Variants in EPAS1 observed in about 807,000 individuals in gnomAD.
EPAS1 encodes endothelial PAS domain-containing protein 1.
In EPAS1, 23 loss-of-function variants were observed where a neutral mutation model predicts 87.9. The observed-to-expected ratio is 0.26, with a 90% CI of 0.19 to 0.37. The LOEUF is 0.37. Among genes scored for constraint, EPAS1 ranks in the 10% least tolerant of loss-of-function variants. The pLI is 1.00. For synonymous variants in EPAS1, 508 were observed against 444.3 expected, an observed-to-expected ratio of 1.14 and a Z score of -1.80; for missense variants, 1,138 against 1,120.7, an observed-to-expected ratio of 1.02 and a Z score of -0.22.
Position 46,297,704 on chromosome 2 carries a change from T to A in EPAS1, c.-208T>A. Reference sequence around the variant, plus strand: ...GACCCCGCCTCCGCGCGCAGGTTCCTCCCAGTCACCTTTCTCCACCCCCGC... The same window carrying A: ...GACCCCGCCTCCGCGCGCAGGTTCCACCCAGTCACCTTTCTCCACCCCCGC... On this transcript the variant is annotated 5_prime_UTR_variant, in exon 1 of 16. Coordinates refer to ENST00000263734, the MANE Select transcript of EPAS1 (RefSeq NM_001430.5). 1.7e-6 allele frequency: 1 copy of A among 593,880 alleles called. No homozygotes were observed. The highest frequency in any genetic ancestry group is 2.9e-6 in the Non-Finnish European group (1 of 340,954). The allele number at this position is 593,880 out of a possible 1,614,324, so 36.8% of individuals were successfully genotyped here.
At chr2:46,349,295 C>T (rs1321077314) in intron 2 of EPAS1, among the ~76,000 whole-genome samples, 2 of 152,180 alleles carry the variant, frequency 1.3e-5, no homozygotes, top group Non-Finnish European at 2.9e-5. Context: ...CCTGGCTGTC[C>T]ATCTCAGTGG....
chr2:46,328,501 A>G (rs1683609516), intron 1 of EPAS1, among the ~76,000 whole-genome samples: 3 of 152,330 alleles, frequency 2.0e-5, no homozygotes, highest in Admixed American at 2.0e-4. Context: ...CATCCCCCAA[A>G]CAGTCAGTGA....
At chr2:46,361,508 T>C (rs767731791) in intron 6 of EPAS1, among the ~76,000 whole-genome samples, 1 of 152,186 alleles carries the variant, frequency 6.6e-6, no homozygotes, top group Non-Finnish European at 1.5e-5. Flanking sequence ...CCCTCTTCCA[T>C]TACTGACTGA....
chr2:46,308,258 T>C (rs182461621), intron 1 of EPAS1, among the ~76,000 whole-genome samples: 1 of 152,286 alleles, frequency 6.6e-6, no homozygotes, highest in South Asian at 2.1e-4. Flanking sequence ...ACAAAATCAC[T>C]AAGGGAGCGT....
At chr2:46,356,629 C>A in intron 3 of EPAS1, 95 bp from the exon 4 acceptor site, 1 of 990,778 alleles carries the variant, frequency 1.0e-6, no homozygotes, top group East Asian at 2.4e-5. Context: ...TCAGTCTCCT[C>A]CCTGCCTCCA....
At chr2:46,334,472 C>G (rs1003498844) in intron 1 of EPAS1, among the ~76,000 whole-genome samples, 3 of 152,108 alleles carry the variant, frequency 2.0e-5, no homozygotes, top group African/African-American at 7.2e-5. Flanking sequence ...TCCTGATTGC[C>G]TCCCTGTATC....
intron 1 of EPAS1, among the ~76,000 whole-genome samples, chr2:46,318,199 A>ACACACAC (rs1683382226): frequency 3.3e-5 from 2 of 59,788 alleles, no homozygotes; most frequent in South Asian, 1.2e-3. Context: ...CACACACACA[A>ACACACAC]ACACACACAC....
chr2:46,356,085 C>G, intron 2 of EPAS1, 66 bp from the exon 3 acceptor site: 2 of 1,526,924 alleles, frequency 1.3e-6, no homozygotes, highest in Non-Finnish European at 1.8e-6. Flanking sequence ...AAATGCCTAT[C>G]TGTGCCAGTC....
chr2:46,315,170 A>G (rs986097836), intron 1 of EPAS1, among the ~76,000 whole-genome samples: 3 of 152,192 alleles, frequency 2.0e-5, no homozygotes, highest in African/African-American at 7.2e-5. Context: ...ACATGAACGT[A>G]TCTGAAGTTT....
chr2:46,317,699 T>A (rs1376576076), intron 1 of EPAS1, among the ~76,000 whole-genome samples: 1 of 152,242 alleles, frequency 6.6e-6, no homozygotes, highest in Non-Finnish European at 1.5e-5. Flanking sequence ...AAGTCCTAGA[T>A]GGCATGTTCA....
In EPAS1 at chr2:46,310,642, G is replaced by A. The variant is rs1454524690; in HGVS notation, c.26+12705G>A. Among the ~76,000 whole-genome samples, 4 of 152,214 alleles carry A rather than the reference G, an allele frequency of 2.6e-5. No homozygotes were observed. The East Asian group carries it at 7.7e-4, about 29-fold the overall frequency. On this transcript the variant is annotated intron_variant, in intron 1 of 15. Coordinates refer to ENST00000263734, the MANE Select transcript of EPAS1 (RefSeq NM_001430.5). ...GGGATTTTTCCCTCCTCGAGCAGGT[G>A]TAACCTTTCCCCTGGAGGAATTTAG...
chr2:46,359,257 C>CA (rs57351888), intron 4 of EPAS1, among the ~76,000 whole-genome samples: 1,215 of 24,786 alleles, frequency 0.049, 100 homozygotes, highest in Non-Finnish European at 0.063. Context: ...GATTCTGTCT[C>CA]AAAAAAAAAA....
chr2:46,316,451 G>A (rs1283026730), intron 1 of EPAS1, among the ~76,000 whole-genome samples: 1 of 152,082 alleles, frequency 6.6e-6, no homozygotes, highest in African/African-American at 2.4e-5. Context: ...AGTAGAGATG[G>A]GGTTTTGCCA....
intron 3 of EPAS1, 125 bp downstream of exon 3, chr2:46,356,427 G>A: frequency 7.8e-7 from 1 of 1,277,344 alleles, no homozygotes; most frequent in South Asian, 1.2e-5. Flanking sequence ...GACCCTCGCT[G>A]ACCTCAGGCC....
At chr2:46,309,075 GAGGTGCTC>G (rs1172784534) in intron 1 of EPAS1, among the ~76,000 whole-genome samples, 33 of 152,316 alleles carry the variant, frequency 2.2e-4, no homozygotes, top group African/African-American at 7.0e-4. Flanking sequence ...GAGGTCTCTT[GAGGTGCTC>G]AGTAATTATT....
chr2:46,318,187 C>A (rs1572617720), intron 1 of EPAS1, among the ~76,000 whole-genome samples: 2 of 151,490 alleles, frequency 1.3e-5, no homozygotes, highest in Admixed American at 6.6e-5. Flanking sequence ...GAGATACACA[C>A]ACACACACAC....
intron 1 of EPAS1, among the ~76,000 whole-genome samples, chr2:46,317,630 A>C (rs1683368689): frequency 6.6e-6 from 1 of 152,250 alleles, no homozygotes; most frequent in Non-Finnish European, 1.5e-5. Context: ...ATTAGTCCCT[A>C]GTAAGAGAGT....
chr2:46,384,452 C>G, intron 15 of EPAS1, 57 bp from the exon 16 acceptor site: 1 of 1,611,980 alleles, frequency 6.2e-7, no homozygotes, highest in South Asian at 1.1e-5. Flanking sequence ...AAGAAGTAGA[C>G]ACTTTTCCAA....
intron 1 of EPAS1, among the ~76,000 whole-genome samples, chr2:46,298,701 C>T (rs1682936166): frequency 6.6e-6 from 1 of 152,238 alleles, no homozygotes; most frequent in South Asian, 2.1e-4. Flanking sequence ...ATCTGCCCGC[C>T]TGCCCTCGCG....
Sources: allele counts gnomAD v4.1 joint callset (sites outside exome capture counted in the v4.1 genomes callset), GRCh38; gene constraint gnomAD v4.1.1; transcripts MANE v1.5; gene names NCBI Gene and HGNC (gene_info 2026-07-23, HGNC 2026-07-21).